NECAB1: variants seen among roughly 807,000 people sequenced by gnomAD.
NECAB1 encodes N-terminal EF-hand calcium-binding protein 1.
In NECAB1, 29 loss-of-function variants were observed where a neutral mutation model predicts 57.5. The observed-to-expected ratio is 0.50, with a 90% CI of 0.38 to 0.69. The LOEUF (loss-of-function observed/expected upper bound fraction) is 0.69, where lower values mean the gene tolerates loss of function less well. NECAB1 is among the 30% of genes least tolerant of loss of function. The pLI is 0.00. For missense variants in NECAB1, 372 were observed against 413.8 expected (o/e 0.90, Z 0.88); for synonymous variants, 142 against 147.7 (o/e 0.96, Z 0.28).
chr8:90,832,562 A>G (rs1184714132), intron 3 of NECAB1, among the ~76,000 whole-genome samples: 1 of 152,140 alleles, frequency 6.6e-6, no homozygotes, highest in African/African-American at 2.4e-5. Context: ...GTTTCTATAT[A>G]ATTTCTAAAA....
chr8:90,824,876 G>C (rs1812197942), intron 3 of NECAB1, 51 bp downstream of exon 3: 1 of 924,770 alleles, frequency 1.1e-6, no homozygotes, highest in Non-Finnish European at 1.6e-6. Flanking sequence ...CAGAGAGCGT[G>C]AATGCATTCA....
intron 8 of NECAB1, among the ~76,000 whole-genome samples, chr8:90,929,185 G>A (rs1021946113): frequency 3.3e-5 from 5 of 152,134 alleles, no homozygotes; most frequent in South Asian, 2.1e-4. Context: ...ATGACTGACC[G>A]AGACATGTTA....
chr8:90,875,784 G>T (rs920355043), intron 4 of NECAB1, among the ~76,000 whole-genome samples: 4 of 150,314 alleles, frequency 2.7e-5, no homozygotes, highest in Admixed American at 2.6e-4. Flanking sequence ...AGGCTGAGGC[G>T]GGTGGATCAC....
At chr8:90,945,523 C>G (rs75919384) in intron 10 of NECAB1, among the ~76,000 whole-genome samples, 3 of 152,078 alleles carry the variant, frequency 2.0e-5, no homozygotes, top group Non-Finnish European at 4.4e-5. Context: ...ATTATATAGA[C>G]GAAATAAATT....
intron 3 of NECAB1, among the ~76,000 whole-genome samples, chr8:90,833,870 T>G (rs1812328574): frequency 6.6e-6 from 1 of 152,100 alleles, no homozygotes; most frequent in Non-Finnish European, 1.5e-5. Flanking sequence ...TCTTAAGATT[T>G]CAGAATTCTC....
chr8:90,860,238 C>CTTTTTTTTTTT (rs34293565), intron 3 of NECAB1, among the ~76,000 whole-genome samples: 4 of 136,852 alleles, frequency 2.9e-5, no homozygotes, highest in Admixed American at 1.5e-4. Flanking sequence ...TCTTTTTTTT[C>CTTTTTTTTTTT]TTTTTTTTTT....
At chr8:90,882,426 A>AG (rs911732976) in intron 5 of NECAB1, among the ~76,000 whole-genome samples, 42 of 146,964 alleles carry the variant, frequency 2.9e-4, no homozygotes, top group Non-Finnish European at 5.0e-4. Flanking sequence ...AGAGAGAGAG[A>AG]AAAAAAAAAA....
intron 5 of NECAB1, among the ~76,000 whole-genome samples, chr8:90,884,892 C>T (rs1232201276): frequency 2.6e-5 from 4 of 152,128 alleles, no homozygotes; most frequent in African/African-American, 4.8e-5. Context: ...TGGAATCCTC[C>T]ATGCAACCCT....
chr8:90,823,862 C>T (rs1271318953), intron 2 of NECAB1, among the ~76,000 whole-genome samples: 1 of 151,602 alleles, frequency 6.6e-6, no homozygotes, highest in East Asian at 1.9e-4. Flanking sequence ...AAGATGCTTC[C>T]CTCTCTTTTC....
At chr8:90,801,636 T>C in intron 1 of NECAB1, 55 bp from the exon 2 acceptor site, 2 of 1,081,934 alleles carry the variant, frequency 1.8e-6, no homozygotes, top group South Asian at 3.0e-5. Flanking sequence ...AGTGTAACGT[T>C]CGTTGCAATA....
intron 3 of NECAB1, among the ~76,000 whole-genome samples, chr8:90,856,998 A>G (rs1449694966): frequency 6.6e-6 from 1 of 152,244 alleles, no homozygotes; most frequent in Admixed American, 6.5e-5. Flanking sequence ...TGACAACAGA[A>G]GAAATTCCAA....
chr8:90,907,214 T>A (rs919310787), intron 5 of NECAB1, among the ~76,000 whole-genome samples: 1 of 150,276 alleles, frequency 6.7e-6, no homozygotes. Context: ...TTGTTTTAGC[T>A]AGCTAATACT....
chr8:90,914,124 C>T (rs1381691004), intron 5 of NECAB1, among the ~76,000 whole-genome samples: 1 of 152,158 alleles, frequency 6.6e-6, no homozygotes, highest in Non-Finnish European at 1.5e-5. Flanking sequence ...ATTTATGGGG[C>T]AGCTGCTATG....
At chr8:90,881,407 G>A (rs1262814070) in intron 5 of NECAB1, among the ~76,000 whole-genome samples, 1 of 152,144 alleles carries the variant, frequency 6.6e-6, no homozygotes, top group African/African-American at 2.4e-5. Flanking sequence ...AGTATGTTTT[G>A]GATCTTGTCC....
chr8:90,891,946 G>C (rs1184920517), intron 5 of NECAB1, among the ~76,000 whole-genome samples: 1 of 151,928 alleles, frequency 6.6e-6, no homozygotes, highest in African/African-American at 2.4e-5. Flanking sequence ...CAGCTGCCTT[G>C]GCCTCCCACA....
intron 3 of NECAB1, among the ~76,000 whole-genome samples, chr8:90,840,425 G>A (rs1001698291): frequency 1.3e-5 from 2 of 152,178 alleles, no homozygotes; most frequent in African/African-American, 4.8e-5. Flanking sequence ...CAGAGAGTAC[G>A]CACTAAGGCA....
chr8:90,884,976 G>C (rs1808938434), intron 5 of NECAB1, among the ~76,000 whole-genome samples: 1 of 152,084 alleles, frequency 6.6e-6, no homozygotes, highest in South Asian at 2.1e-4. Flanking sequence ...GAAGTAAGGA[G>C]GAACATATTC....
intron 3 of NECAB1, among the ~76,000 whole-genome samples, chr8:90,848,531 CAA>C (rs1161634967): frequency 6.6e-6 from 1 of 152,072 alleles, no homozygotes; most frequent in African/African-American, 2.4e-5. Flanking sequence ...AAGAAATACC[CAA>C]GACTGGGTAA....
chr8:90,872,652 C>T (rs1488539443), intron 4 of NECAB1, among the ~76,000 whole-genome samples: 1 of 151,938 alleles, frequency 6.6e-6, no homozygotes, highest in African/African-American at 2.4e-5. Flanking sequence ...TTAATAGCCT[C>T]TTCATTTATT....
Sources: allele counts gnomAD v4.1 joint callset (sites outside exome capture counted in the v4.1 genomes callset), GRCh38; gene constraint gnomAD v4.1.1; transcripts MANE v1.5; gene names NCBI Gene and HGNC (gene_info 2026-07-23, HGNC 2026-07-21).